PRMT8: variants seen among roughly 807,000 people sequenced by gnomAD.
PRMT8 encodes protein arginine methyltransferase 8.
In PRMT8, 7 loss-of-function variants were observed where a neutral mutation model predicts 47.1. That is an observed-to-expected ratio of 0.15 (90% confidence interval 0.08 to 0.28). PRMT8 has a LOEUF of 0.28. PRMT8 is among the 10% of genes least tolerant of loss of function. The pLI is 1.00. For synonymous variants in PRMT8, 188 were observed against 186.5 expected (o/e 1.01, Z -0.07); for missense variants, 237 against 505.4 (o/e 0.47, Z 5.09).
chr12:3,486,667 A>G (rs1187104409), upstream of PRMT8, among the ~76,000 whole-genome samples: 1 of 152,220 alleles, frequency 6.6e-6, no homozygotes, highest in Non-Finnish European at 1.5e-5. Context: ...TTGTGGCAGC[A>G]CAACAGAATC....
intron 1 of PRMT8, among the ~76,000 whole-genome samples, chr12:3,467,219 G>C (rs10848867): frequency 0.42 from 53,490 of 126,654 alleles, 11,985 homozygotes; most frequent in East Asian, 0.59. Flanking sequence ...CAGCCTGGGC[G>C]ACAGAGCAAG....
At chr12:3,481,659 A>C (rs1865275149) in intron 1 of PRMT8, among the ~76,000 whole-genome samples, 1 of 152,208 alleles carries the variant, frequency 6.6e-6, no homozygotes, top group Non-Finnish European at 1.5e-5. Context: ...GACTGAGGGC[A>C]GCCAGAGGTG....
chr12:3,489,242 G>A (rs1011250969), upstream of PRMT8, among the ~76,000 whole-genome samples: 5 of 152,088 alleles, frequency 3.3e-5, no homozygotes, highest in African/African-American at 1.2e-4. Context: ...CACCCACTGA[G>A]GTTCTCATAG....
intron 4 of PRMT8, among the ~76,000 whole-genome samples, chr12:3,554,475 G>A (rs1482523292): frequency 6.6e-6 from 1 of 152,220 alleles, no homozygotes; most frequent in Non-Finnish European, 1.5e-5. Context: ...TACTGCGCCG[G>A]GGCTGCAGTG....
rs1365928798 is a variant in PRMT8 at position 3,569,008 on chromosome 12, ACAGAATGGTTGCCCCGGGTC to A, written c.624+164_624+183del. ...CTCTAGAGCAGATCTGTATCAGGGA[ACAGAATGGTTGCCCCGGGTC>A]CAGCATGTGTAACCATCAGAGTGGA... On this transcript the variant is annotated intron_variant, in intron 5 of 9. Coordinates refer to ENST00000382622, the MANE Select transcript of PRMT8 (RefSeq NM_019854.5). The surrounding 1 kb of genome is among the most constrained non-coding windows in gnomAD (Gnocchi z 8.2). Among the ~76,000 whole-genome samples the A allele has an allele frequency of 1.3e-5, 2 of 152,098 alleles. No individual in the cohort carries two copies. The highest frequency in any genetic ancestry group is 2.9e-5 in the Non-Finnish European group (2 of 67,938).
intron 1 of PRMT8, among the ~76,000 whole-genome samples, chr12:3,454,465 G>C (rs1207439946): frequency 6.6e-6 from 1 of 152,148 alleles, no homozygotes; most frequent in Non-Finnish European, 1.5e-5. Context: ...AAGCACTCTA[G>C]GGGAGGGGGG....
chr12:3,551,851 CAGAG>C (rs1417222866), intron 3 of PRMT8: 1 of 152,100 alleles, frequency 6.6e-6, no homozygotes, highest in Non-Finnish European at 1.5e-5. Flanking sequence ...GAGACAGGCA[CAGAG>C]AAAGAGACAG....
chr12:3,526,857 A>G (rs936277508), intron 1 of PRMT8, among the ~76,000 whole-genome samples: 5 of 152,102 alleles, frequency 3.3e-5, no homozygotes, highest in African/African-American at 1.2e-4. Flanking sequence ...TCATCTTTTT[A>G]CTTTTAAGCT....
At chr12:3,479,439 T>C (rs1865251105) in intron 1 of PRMT8, among the ~76,000 whole-genome samples, 1 of 152,254 alleles carries the variant, frequency 6.6e-6, no homozygotes, top group South Asian at 2.1e-4. Context: ...TAATTTTTTT[T>C]AGTCCTTTTA....
In PRMT8 at chr12:3,466,154, C is replaced by G. The variant is rs1865095551; in HGVS notation, c.49-74452C>G. Among the ~76,000 whole-genome samples, 3 of 152,204 alleles carry G rather than the reference C, an allele frequency of 2.0e-5. No homozygotes were observed. The South Asian group carries it at 6.2e-4, about 32-fold the overall frequency. Reference sequence around the variant, plus strand: ...ATCTCGGTTTAAGTCTGGGCATTGCCACTAATTTGCTGTGTGAGCTTGAAT... The same window carrying G: ...ATCTCGGTTTAAGTCTGGGCATTGCGACTAATTTGCTGTGTGAGCTTGAAT... On this transcript the variant is annotated intron_variant, in intron 1 of 9. Transcript: ENST00000452611.
At chr12:3,553,198 A>G in intron 3 of PRMT8, 1 of 209,290 alleles carries the variant, frequency 4.8e-6, no homozygotes, top group South Asian at 9.1e-5. Context: ...CTTTTTCCAG[A>G]TGGTCCCATC....
intron 2 of PRMT8, among the ~76,000 whole-genome samples, chr12:3,543,903 C>T (rs1219675570): frequency 6.6e-6 from 1 of 152,208 alleles, no homozygotes; most frequent in Non-Finnish European, 1.5e-5. Context: ...GCTCTGAAAT[C>T]TCAGCGTCTC....
intron 1 of PRMT8, among the ~76,000 whole-genome samples, chr12:3,389,765 C>T (rs562511332): frequency 3.3e-5 from 5 of 152,328 alleles, no homozygotes; most frequent in East Asian, 3.9e-4. Context: ...AAACATAGCT[C>T]CATTACTCAG....
At chr12:3,412,669 T>C (rs938417638) in intron 1 of PRMT8, among the ~76,000 whole-genome samples, 2 of 152,192 alleles carry the variant, frequency 1.3e-5, no homozygotes, top group African/African-American at 4.8e-5. Flanking sequence ...GAAGCTGATA[T>C]GGTTTGGCTG....
chr12:3,412,920 A>G (rs1224056397), intron 1 of PRMT8, among the ~76,000 whole-genome samples: 1 of 152,076 alleles, frequency 6.6e-6, no homozygotes, highest in African/African-American at 2.4e-5. Context: ...GCTGCATTTT[A>G]TTTGCTTTTC....
At chr12:3,408,933 T>G (rs1234457209) in intron 1 of PRMT8, among the ~76,000 whole-genome samples, 3 of 152,136 alleles carry the variant, frequency 2.0e-5, no homozygotes, top group African/African-American at 7.2e-5. Context: ...GCTTTTGGGG[T>G]TTTCCTGTTC....
intron 1 of PRMT8, among the ~76,000 whole-genome samples, chr12:3,448,569 T>C (rs1407357704): frequency 6.6e-6 from 1 of 152,170 alleles, no homozygotes; most frequent in Non-Finnish European, 1.5e-5. Context: ...TCCAGTGCAT[T>C]GTAGACGGTG....
chr12:3,415,410 C>G (rs1333601122), intron 1 of PRMT8, among the ~76,000 whole-genome samples: 1 of 152,192 alleles, frequency 6.6e-6, no homozygotes, highest in Non-Finnish European at 1.5e-5. Flanking sequence ...GCCCCTCTCC[C>G]TTCCCTAGAG....
At position 3,566,297 on chromosome 12, in the gene PRMT8, G is replaced by A. The variant is rs542953464; in HGVS notation, c.482-2409G>A. ...TATGAATTTTCTTAGTGCACCCTGG[G>A]CCCTGCTCTCAGTTGAGTTCCTGCC... On this transcript the variant is annotated intron_variant, in intron 4 of 9. Transcript: ENST00000382622. This position sits in a 1 kb window ranked among gnomAD's most constrained non-coding sequence, Gnocchi z 4.7. Among the ~76,000 whole-genome samples the A allele has an allele frequency of 1.3e-5, 2 of 152,064 alleles. No homozygotes were observed. Among genetic ancestry groups the A allele is most frequent in the African/African-American group, 4.8e-5 (2 of 41,382 alleles).
Sources: allele counts gnomAD v4.1 joint callset (sites outside exome capture counted in the v4.1 genomes callset), GRCh38; gene constraint gnomAD v4.1.1; non-coding constraint Gnocchi (gnomAD v3.1); transcripts MANE v1.5; gene names NCBI Gene and HGNC (gene_info 2026-07-23, HGNC 2026-07-21).